Variants in NAA11 observed in about 807,000 individuals in gnomAD.
NAA11 encodes N-alpha-acetyltransferase 11, NatA catalytic subunit, also known as N-alpha-acetyltransferase 11.
Under a neutral mutation model 16.1 loss-of-function variants are expected in NAA11, and 15 were observed. That is an observed-to-expected ratio of 0.93 (90% CI 0.62 to 1.44). The LOEUF (loss-of-function observed/expected upper bound fraction) is 1.44, where lower values mean the gene tolerates loss of function less well. Ranked by LOEUF, NAA11 falls within the 40% of genes most tolerant of loss-of-function variation. NAA11 has a pLI of 0.00. For missense variants in NAA11, 298 were observed against 291.3 expected (o/e 1.02, Z -0.17); for synonymous variants, 122 against 112.4 (o/e 1.09, Z -0.54).
chr4:79,272,300 C>A (rs1722512405), intron 2 of NAA11, among the ~76,000 whole-genome samples: 1 of 151,942 alleles, frequency 6.6e-6, no homozygotes, highest in African/African-American at 2.4e-5. Flanking sequence ...GTTTTCCAAA[C>A]TTGTTGGAGT....
chr4:79,214,196 T>C, the NAA11 span, among the ~76,000 whole-genome samples: 1 of 152,162 alleles, frequency 6.6e-6, no homozygotes, highest in Non-Finnish European at 1.5e-5. Flanking sequence ...TACAAGAACA[T>C]ATAAAATAGA....
the NAA11 span, among the ~76,000 whole-genome samples, chr4:79,192,257 T>C: frequency 2.0e-5 from 3 of 152,114 alleles, no homozygotes; most frequent in Non-Finnish European, 2.9e-5. Flanking sequence ...CTTTAGGTTT[T>C]AGGGTACATG....
the NAA11 span, among the ~76,000 whole-genome samples, chr4:79,217,304 A>G: frequency 2.0e-5 from 3 of 152,164 alleles, no homozygotes; most frequent in Admixed American, 2.0e-4. Context: ...GAAAGCTACT[A>G]CCTATCAAAC....
the NAA11 span, among the ~76,000 whole-genome samples, chr4:79,216,921 A>G: frequency 1.3e-5 from 2 of 152,212 alleles, no homozygotes; most frequent in East Asian, 3.8e-4. Context: ...TCCACCAAAC[A>G]TATGCATATC....
intron 2 of NAA11, among the ~76,000 whole-genome samples, chr4:79,256,137 T>A (rs1722103314): frequency 6.6e-6 from 1 of 152,194 alleles, no homozygotes; most frequent in Admixed American, 6.5e-5. Context: ...TTCGATTTGT[T>A]TTTTATTTGC....
chr4:79,249,294 T>G (rs1189861644), intron 2 of NAA11, among the ~76,000 whole-genome samples: 1 of 152,212 alleles, frequency 6.6e-6, no homozygotes, highest in African/African-American at 2.4e-5. Context: ...GATATTGAAT[T>G]CAGAATATGG....
chr4:79,204,682 AT>A, the NAA11 span, among the ~76,000 whole-genome samples: 1 of 151,744 alleles, frequency 6.6e-6, no homozygotes, highest in Non-Finnish European at 1.5e-5. Flanking sequence ...ACTGTACATA[AT>A]AATTAATTTT....
chr4:79,174,477 G>A, the NAA11 span, among the ~76,000 whole-genome samples: 4 of 151,604 alleles, frequency 2.6e-5, no homozygotes, highest in African/African-American at 7.2e-5. Flanking sequence ...TCTCAGTAGA[G>A]AGTATGAAGG....
chr4:79,202,647 A>ATATATATATATC, the NAA11 span, among the ~76,000 whole-genome samples: 2 of 126,634 alleles, frequency 1.6e-5, no homozygotes, highest in African/African-American at 5.4e-5. Flanking sequence ...ATATATATAT[A>ATATATATATATC]TATCTGTGTA....
intron 2 of NAA11, among the ~76,000 whole-genome samples, chr4:79,262,839 C>T (rs1275263286): frequency 6.6e-6 from 1 of 152,124 alleles, no homozygotes; most frequent in Non-Finnish European, 1.5e-5. Context: ...CAAAGACATG[C>T]AGTTCTCAAG....
intron 2 of NAA11, among the ~76,000 whole-genome samples, chr4:79,275,041 G>A (rs896538062): frequency 3.9e-5 from 6 of 152,028 alleles, no homozygotes; most frequent in African/African-American, 1.4e-4. Context: ...ATGGAACTAT[G>A]AGTCTGTATG....
the NAA11 span, among the ~76,000 whole-genome samples, chr4:79,210,373 C>G: frequency 6.6e-6 from 1 of 152,080 alleles, no homozygotes; most frequent in African/African-American, 2.4e-5. Context: ...TGTTGCAAGG[C>G]TGGCTAATCA....
chr4:79,230,408 A>G (rs1446050751), intron 2 of NAA11, among the ~76,000 whole-genome samples: 2 of 151,948 alleles, frequency 1.3e-5, no homozygotes, highest in Non-Finnish European at 2.9e-5. Flanking sequence ...CATGTACCCT[A>G]AAACTTAAAG....
the NAA11 span, among the ~76,000 whole-genome samples, chr4:79,159,976 G>T: frequency 2.7e-5 from 4 of 149,454 alleles, no homozygotes; most frequent in Non-Finnish European, 5.9e-5. Flanking sequence ...ATAGATATTT[G>T]AGTTGTTTCT....
At chr4:79,178,557 A>C in the NAA11 span, among the ~76,000 whole-genome samples, 1 of 152,332 alleles carries the variant, frequency 6.6e-6, no homozygotes, top group East Asian at 1.9e-4. Flanking sequence ...TTGATGGCTT[A>C]CTATGTGCTT....
intron 2 of NAA11, among the ~76,000 whole-genome samples, chr4:79,275,362 AG>A (rs1476288882): frequency 6.6e-6 from 1 of 152,098 alleles, no homozygotes; most frequent in East Asian, 1.9e-4. Context: ...TAGTTGCCAT[AG>A]GAAGAAGTGA....
At chr4:79,185,640 TAA>T in the NAA11 span, among the ~76,000 whole-genome samples, 1 of 152,238 alleles carries the variant, frequency 6.6e-6, no homozygotes, top group East Asian at 1.9e-4. Flanking sequence ...CCTCCCCAAT[TAA>T]AAGTCTCTCA....
intron 2 of NAA11, among the ~76,000 whole-genome samples, chr4:79,247,445 A>G (rs17003686): frequency 0.025 from 3,841 of 152,206 alleles, 157 homozygotes; most frequent in African/African-American, 0.089. Flanking sequence ...ATTCTTCCAA[A>G]CATCTACTTC....
intron 1 of NAA11, among the ~76,000 whole-genome samples, chr4:79,311,345 C>G (rs1723763937): frequency 6.6e-6 from 1 of 151,668 alleles, no homozygotes; most frequent in Non-Finnish European, 1.5e-5. Flanking sequence ...TTTTCTTGAA[C>G]AAACAGAGGA....
Sources: allele counts gnomAD v4.1 joint callset (sites outside exome capture counted in the v4.1 genomes callset), GRCh38; gene constraint gnomAD v4.1.1; transcripts MANE v1.5; gene names NCBI Gene and HGNC (gene_info 2026-07-23, HGNC 2026-07-21).